SLC38A4: variants seen among roughly 807,000 people sequenced by gnomAD.
SLC38A4 encodes the protein sodium-coupled neutral amino acid transporter 4.
SLC38A4 carries 20 observed loss-of-function variants against 63.1 expected under a neutral mutation model. The ratio of observed to expected loss-of-function variants is 0.32; its 90% CI spans 0.22 to 0.46. The LOEUF (loss-of-function observed/expected upper bound fraction) is 0.46, where lower values mean the gene tolerates loss of function less well. Ranked by LOEUF, SLC38A4 falls within the 20% of genes least tolerant of loss-of-function variation. The pLI, the probability that SLC38A4 is intolerant of heterozygous loss-of-function variation, is 1.00. For missense variants in SLC38A4, 526 were observed against 663.6 expected (o/e 0.79, Z 2.28); for synonymous variants, 230 against 225.5 (o/e 1.02, Z -0.18).
Position 46,787,900 on chromosome 12 carries a change from A to G in SLC38A4, c.326+16T>C, listed in dbSNP as rs1487512850. On this transcript the variant is annotated intron_variant, in intron 5 of 16. Coordinates refer to ENST00000266579, the MANE Select transcript of SLC38A4 (RefSeq NM_018018.5). ...ATGGACTTCATCACCAAATGTAGAC[A>G]TATACATTCACTTACATAAAAAGTA... 1.3e-6 allele frequency: 2 copies of G among 1,551,656 alleles called. No individual in the cohort carries two copies. The highest frequency in any genetic ancestry group is 1.8e-6 in the Non-Finnish European group (2 of 1,124,234).
chr12:46,772,678 A>AAACT (rs1938443535), intron 14 of SLC38A4, among the ~76,000 whole-genome samples: 1 of 152,116 alleles, frequency 6.6e-6, no homozygotes, highest in African/African-American at 2.4e-5. Context: ...AAAAAGGAAA[A>AAACT]AACTAACCTG....
Position 46,766,249 on chromosome 12 carries a change from T to C in SLC38A4, c.*452A>G, listed in dbSNP as rs1312928798. 2 of 394,088 alleles carry C rather than the reference T, an allele frequency of 5.1e-6. No individual in the cohort carries two copies. The highest frequency in any genetic ancestry group is 5.6e-5 in the Admixed American group (2 of 35,914). 24.4% of individuals were successfully genotyped at this position (394,088 alleles called of 1,614,324 possible). A position where few individuals can be genotyped will look rare whatever the true frequency, so the allele number is the denominator to read the frequency against. On this transcript the variant is annotated 3_prime_UTR_variant, in exon 17 of 17. Coordinates refer to ENST00000266579, the MANE Select transcript of SLC38A4 (RefSeq NM_018018.5). Reference sequence around the variant, plus strand: ...TTAGTAAACAGACCAGAGACTTTGGTGCAAGACTGAGAGAAGACATTAAAT... The same window carrying C: ...TTAGTAAACAGACCAGAGACTTTGGCGCAAGACTGAGAGAAGACATTAAAT...
At chr12:46,832,294 T>C (rs1425410455) in intron 1 of SLC38A4, 1 of 151,798 alleles carries the variant, frequency 6.6e-6, no homozygotes, top group Non-Finnish European at 1.5e-5. Flanking sequence ...AAGTCTCAAG[T>C]CTAACAGGAA....
At chr12:46,806,030 T>C (rs912712016) in intron 1 of SLC38A4, among the ~76,000 whole-genome samples, 3 of 151,678 alleles carry the variant, frequency 2.0e-5, no homozygotes, top group Non-Finnish European at 2.9e-5. Flanking sequence ...ACTGAGGACA[T>C]TCAAGATTTC....
intron 2 of SLC38A4, among the ~76,000 whole-genome samples, chr12:46,800,190 G>A (rs1341610953): frequency 6.6e-6 from 1 of 151,966 alleles, no homozygotes; most frequent in East Asian, 1.9e-4. Context: ...CATGTCCAAC[G>A]TATCACCAAG....
At chr12:46,769,206 C>A in intron 15 of SLC38A4, 78 bp downstream of exon 15, 2 of 1,512,970 alleles carry the variant, frequency 1.3e-6, no homozygotes, top group South Asian at 1.2e-5. Flanking sequence ...ATCTGGATGA[C>A]CCAGCACTGG....
At chr12:46,798,029 C>G (rs1939053432) in intron 2 of SLC38A4, among the ~76,000 whole-genome samples, 1 of 152,070 alleles carries the variant, frequency 6.6e-6, no homozygotes, top group Non-Finnish European at 1.5e-5. Flanking sequence ...TTTTTCTCTT[C>G]ATTTCTTTCA....
intron 1 of SLC38A4, among the ~76,000 whole-genome samples, chr12:46,823,699 G>A (rs995989380): frequency 3.9e-5 from 6 of 152,182 alleles, no homozygotes; most frequent in Admixed American, 3.9e-4. Flanking sequence ...AAACCTCAAC[G>A]GGATATTTAC....
chr12:46,771,417 C>T (rs933461907), intron 14 of SLC38A4, among the ~76,000 whole-genome samples: 2 of 152,022 alleles, frequency 1.3e-5, no homozygotes, highest in African/African-American at 4.8e-5. Flanking sequence ...AGTCAATAAG[C>T]TGAGTTAGAG....
At chr12:46,797,565 G>A (rs1939040310) in intron 2 of SLC38A4, among the ~76,000 whole-genome samples, 1 of 152,112 alleles carries the variant, frequency 6.6e-6, no homozygotes, top group South Asian at 2.1e-4. Flanking sequence ...TGCAGATGCT[G>A]TACTTTGAGA....
chr12:46,776,622 G>T (rs1405965055), intron 13 of SLC38A4, among the ~76,000 whole-genome samples: 1 of 151,980 alleles, frequency 6.6e-6, no homozygotes, highest in Non-Finnish European at 1.5e-5. Context: ...ATGGAGTCTA[G>T]CCAGAGAAAT....
intron 2 of SLC38A4, among the ~76,000 whole-genome samples, chr12:46,803,113 C>A (rs1220805786): frequency 6.6e-6 from 1 of 152,054 alleles, no homozygotes; most frequent in Admixed American, 6.6e-5. Context: ...CTTAGCCATT[C>A]ACATCTGCTG....
chr12:46,830,298 T>TCTCACACACACA (rs1180274940), upstream of SLC38A4, among the ~76,000 whole-genome samples: 37 of 148,410 alleles, frequency 2.5e-4, no homozygotes, highest in Middle Eastern at 3.4e-3. Flanking sequence ...TCTCTCTCTC[T>TCTCACACACACA]CACACACACA....
In SLC38A4 at chr12:46,778,278, G is replaced by A. The variant is rs763829306; in HGVS notation, c.1073+11C>T. 1.9e-6 allele frequency: 3 copies of A among 1,610,854 alleles called. No homozygotes were observed. The East Asian group carries it at 6.7e-5, about 36-fold the overall frequency. On this transcript the variant is annotated intron_variant, in intron 12 of 16. Coordinates refer to ENST00000266579, the MANE Select transcript of SLC38A4 (RefSeq NM_018018.5). Reference sequence around the variant, plus strand: ...AAGCAAATTAGAATGCTAAAATGATGGCTGCCTTACTCTTTAAGTTCACTG... The same window carrying A: ...AAGCAAATTAGAATGCTAAAATGATAGCTGCCTTACTCTTTAAGTTCACTG...
At chr12:46,801,275 C>T (rs1270191475) in intron 2 of SLC38A4, among the ~76,000 whole-genome samples, 1 of 151,998 alleles carries the variant, frequency 6.6e-6, no homozygotes, top group African/African-American at 2.4e-5. Flanking sequence ...ATTGTAATGT[C>T]TTGTTCTTTG....
intron 2 of SLC38A4, among the ~76,000 whole-genome samples, chr12:46,795,692 C>G (rs1380382647): frequency 1.2e-4 from 19 of 152,070 alleles, no homozygotes; most frequent in Non-Finnish European, 2.5e-4. Context: ...ATTTTGCCTT[C>G]AAACTTTGTT....
At chr12:46,829,629 A>C (rs1939703974), upstream of SLC38A4, among the ~76,000 whole-genome samples, 1 of 152,098 alleles carries the variant, frequency 6.6e-6, no homozygotes, top group South Asian at 2.1e-4. Flanking sequence ...TCCTTTCTCA[A>C]ATGTCACTTA....
chr12:46,802,622 A>G (rs891220761), intron 2 of SLC38A4, among the ~76,000 whole-genome samples: 7 of 152,026 alleles, frequency 4.6e-5, no homozygotes, highest in African/African-American at 1.7e-4. Flanking sequence ...CTAAATATAA[A>G]TCGAAACTGG....
chr12:46,825,666 C>G (rs553135944), intron 1 of SLC38A4, among the ~76,000 whole-genome samples: 1 of 152,194 alleles, frequency 6.6e-6, no homozygotes, highest in East Asian at 1.9e-4. Flanking sequence ...AAACACATTC[C>G]TCCCATTTGG....
Sources: allele counts gnomAD v4.1 joint callset (sites outside exome capture counted in the v4.1 genomes callset), GRCh38; gene constraint gnomAD v4.1.1; transcripts MANE v1.5; gene names NCBI Gene and HGNC (gene_info 2026-07-23, HGNC 2026-07-21).